FRMD4A: variants seen among roughly 807,000 people sequenced by gnomAD.
FRMD4A encodes the protein FERM domain containing 4A.
Under a neutral mutation model 129.1 loss-of-function variants are expected in FRMD4A, and 29 were observed. The ratio of observed to expected loss-of-function variants is 0.22; its 90% CI spans 0.17 to 0.31. The LOEUF is 0.31. Ranked by LOEUF, FRMD4A falls within the 10% of genes least tolerant of loss-of-function variation. FRMD4A has a pLI of 1.00. For missense variants in FRMD4A, 1,272 were observed against 1,375.8 expected, an observed-to-expected ratio of 0.92 and a Z score of 1.19; for synonymous variants, 634 against 571.6, an observed-to-expected ratio of 1.11 and a Z score of -1.56.
rs781403135 is a variant in FRMD4A, at chr10:14,086,891, G to C, written c.46-227979C>G. On this transcript the variant is annotated intron_variant, in intron 2 of 24. Coordinates refer to ENST00000357447, the MANE Select transcript of FRMD4A (RefSeq NM_018027.5). ...AACGATTTTGCTGCTCTGGAGCTCA[G>C]CTTCCTGATTTTGAGGGGGATGTCT... Among the ~76,000 whole-genome samples the C allele has an allele frequency of 7.5e-4, 114 of 152,178 alleles. 4 individuals carry two copies. Among genetic ancestry groups the C allele is most frequent in the Non-Finnish European group, 6.6e-4 (45 of 68,024 alleles).
intron 6 of FRMD4A, among the ~76,000 whole-genome samples, chr10:13,769,179 G>T (rs2092380129): frequency 6.7e-6 from 1 of 150,134 alleles, no homozygotes; most frequent in Non-Finnish European, 1.5e-5. Flanking sequence ...TTTTAGTAGA[G>T]ATGGAAGATT....
intron 2 of FRMD4A, among the ~76,000 whole-genome samples, chr10:14,016,336 C>T (rs575677350): frequency 5.9e-5 from 9 of 152,320 alleles, no homozygotes; most frequent in African/African-American, 2.2e-4. Flanking sequence ...GAACACCTAC[C>T]CAACAGGATG....
intron 2 of FRMD4A, among the ~76,000 whole-genome samples, chr10:13,909,670 C>T (rs868665980): frequency 2.5e-4 from 38 of 152,126 alleles, no homozygotes; most frequent in African/African-American, 8.7e-4. Flanking sequence ...CAGAAATTGC[C>T]CAAACTTAAC....
chr10:13,886,586 T>G (rs983821610), intron 2 of FRMD4A, among the ~76,000 whole-genome samples: 2 of 152,130 alleles, frequency 1.3e-5, no homozygotes, highest in African/African-American at 4.8e-5. Flanking sequence ...TTTCCTTTAT[T>G]TTTATTTTTT....
At chr10:13,684,421 C>T (rs1301545061) in intron 15 of FRMD4A, 3 of 985,218 alleles carry the variant, frequency 3.0e-6, no homozygotes, top group Non-Finnish European at 1.2e-6. Context: ...CTGCCTGTGT[C>T]ACTGTGGGTT....
chr10:13,882,877 C>T (rs2094563442), intron 2 of FRMD4A, among the ~76,000 whole-genome samples: 1 of 151,234 alleles, frequency 6.6e-6, no homozygotes, highest in African/African-American at 2.4e-5. Context: ...TATCACGGCT[C>T]ACTGCAACCT....
At chr10:14,263,567 A>G (rs1180731664) in intron 2 of FRMD4A, among the ~76,000 whole-genome samples, 2 of 152,096 alleles carry the variant, frequency 1.3e-5, no homozygotes, top group East Asian at 3.9e-4. Flanking sequence ...AGTCTCCTGA[A>G]TCTCTTCTCC....
intron 2 of FRMD4A, among the ~76,000 whole-genome samples, chr10:14,129,798 C>A (rs1369226856): frequency 6.6e-6 from 1 of 152,122 alleles, no homozygotes; most frequent in Non-Finnish European, 1.5e-5. Context: ...GTATTAATAG[C>A]TTTAATTAAC....
At chr10:14,111,597 A>T (rs1249483346) in intron 2 of FRMD4A, among the ~76,000 whole-genome samples, 2 of 152,144 alleles carry the variant, frequency 1.3e-5, no homozygotes, top group African/African-American at 4.8e-5. Flanking sequence ...TAATCCATCA[A>T]TTCACTGTGG....
At chr10:14,293,231 T>C (rs1845903946) in intron 2 of FRMD4A, among the ~76,000 whole-genome samples, 1 of 152,160 alleles carries the variant, frequency 6.6e-6, no homozygotes, top group African/African-American at 2.4e-5. Flanking sequence ...AGTCAGTTGG[T>C]TGTCACAAGA....
chr10:14,050,714 T>C (rs751953984), intron 2 of FRMD4A, among the ~76,000 whole-genome samples: 37 of 152,104 alleles, frequency 2.4e-4, no homozygotes, highest in Non-Finnish European at 4.7e-4. Context: ...GCCTATGTAA[T>C]GAAACTCCAA....
chr10:14,170,631 G>A (rs1055022282), intron 2 of FRMD4A, among the ~76,000 whole-genome samples: 6 of 152,114 alleles, frequency 3.9e-5, no homozygotes, highest in African/African-American at 1.4e-4. Flanking sequence ...ATTAGCACAC[G>A]AAATAGTTAA....
intron 2 of FRMD4A, among the ~76,000 whole-genome samples, chr10:14,013,429 T>C (rs371181366): frequency 6.6e-6 from 1 of 152,066 alleles, no homozygotes; most frequent in East Asian, 1.9e-4. Flanking sequence ...TGACCTCACC[T>C]CCAGGCTGTA....
rs142821828 is a variant in FRMD4A at position 14,185,559 on chromosome 10, A to G, written c.45+144499T>C. Among the ~76,000 whole-genome samples the G allele has an allele frequency of 2.2e-3, 329 of 152,302 alleles. 2 individuals are homozygous for G. The highest frequency in any genetic ancestry group is 7.6e-3 in the African/African-American group (318 of 41,570). On this transcript the variant is annotated intron_variant, in intron 2 of 24. Coordinates refer to ENST00000357447, the MANE Select transcript of FRMD4A (RefSeq NM_018027.5). ...GAAACTTGAAACATAAAGCAAGACT[A>G]TTTAAAGGTTCAATCTCGTCTTGTA...
intron 3 of FRMD4A, among the ~76,000 whole-genome samples, chr10:13,824,149 A>G (rs2093666487): frequency 6.6e-6 from 1 of 152,068 alleles, no homozygotes; most frequent in Non-Finnish European, 1.5e-5. Flanking sequence ...CTGCATCTGT[A>G]TATTCAACCA....
At chr10:13,710,428 C>G (rs1216686027) in intron 12 of FRMD4A, 1 of 152,316 alleles carries the variant, frequency 6.6e-6, no homozygotes, top group Non-Finnish European at 1.5e-5. Flanking sequence ...ACAAAACCAT[C>G]TGGACTCTGC....
intron 3 of FRMD4A, among the ~76,000 whole-genome samples, chr10:13,847,469 G>A (rs1456144267): frequency 6.6e-6 from 1 of 152,152 alleles, no homozygotes; most frequent in Non-Finnish European, 1.5e-5. Flanking sequence ...TGGCCAGGCT[G>A]CACTCCTCTC....
At chr10:14,325,831 C>T (rs1411654672) in intron 2 of FRMD4A, among the ~76,000 whole-genome samples, 1 of 152,204 alleles carries the variant, frequency 6.6e-6, no homozygotes, top group African/African-American at 2.4e-5. Flanking sequence ...GAGATAAACT[C>T]ATAGAACAGC....
intron 3 of FRMD4A, among the ~76,000 whole-genome samples, chr10:13,835,155 C>T (rs925823872): frequency 6.6e-5 from 10 of 152,148 alleles, no homozygotes; most frequent in African/African-American, 1.2e-4. Flanking sequence ...CTTTGATGGC[C>T]GCCGAACTTG....
Sources: allele counts gnomAD v4.1 joint callset (sites outside exome capture counted in the v4.1 genomes callset), GRCh38; gene constraint gnomAD v4.1.1; transcripts MANE v1.5; gene names NCBI Gene and HGNC (gene_info 2026-07-23, HGNC 2026-07-21).